The following CRISPLD1 variants were observed in gnomAD, a reference collection of about 807,000 sequenced individuals.
The protein encoded by CRISPLD1 is cysteine rich secretory protein LCCL domain containing 1.
Under a neutral mutation model 77.5 loss-of-function variants are expected in CRISPLD1, and 60 were observed. The ratio of observed to expected loss-of-function variants is 0.77; its 90% CI spans 0.63 to 0.96. The LOEUF (loss-of-function observed/expected upper bound fraction) is 0.96. Among genes scored for constraint, CRISPLD1 ranks in the 40% least tolerant of loss-of-function variants. The pLI, the probability that CRISPLD1 is intolerant of heterozygous loss-of-function variation, is 0.00. For synonymous variants in CRISPLD1, 195 were observed against 200.1 expected, an observed-to-expected ratio of 0.97 and a Z score of 0.22; for missense variants, 623 against 615.8, an observed-to-expected ratio of 1.01 and a Z score of -0.12.
At position 75,010,875 on chromosome 8, in the gene CRISPLD1, A is replaced by T. The variant is rs1172355024; in HGVS notation, c.259-1558A>T. On this transcript the variant is annotated intron_variant, in intron 2 of 14. Coordinates refer to ENST00000262207, the MANE Select transcript of CRISPLD1 (RefSeq NM_031461.6). The stretch of plus-strand genomic sequence containing the variant: ...ACTTCAAGATTCATATCCTCAGAGC[A>T]CATTTTTCCTCTGGACCCCCAGTCA... 2.6e-5 allele frequency among the ~76,000 whole-genome samples: 4 copies of T among 152,112 alleles called. No homozygotes were observed. The East Asian group carries it at 5.8e-4, about 22-fold the overall frequency.
At chr8:74,991,452 G>A (rs1812572192) in intron 2 of CRISPLD1, among the ~76,000 whole-genome samples, 1 of 152,176 alleles carries the variant, frequency 6.6e-6, no homozygotes, top group African/African-American at 2.4e-5. Context: ...AGCTTATAAA[G>A]GGAAGCATGT....
chr8:75,028,178 G>A (rs182944787), intron 13 of CRISPLD1, among the ~76,000 whole-genome samples: 3 of 152,140 alleles, frequency 2.0e-5, no homozygotes, highest in Non-Finnish European at 2.9e-5. Context: ...GACTTTAAGT[G>A]TTGAAGAAAA....
chr8:74,994,771 T>G (rs1368467381), intron 2 of CRISPLD1, among the ~76,000 whole-genome samples: 1 of 152,212 alleles, frequency 6.6e-6, no homozygotes, highest in Non-Finnish European at 1.5e-5. Flanking sequence ...GGGGAATGTC[T>G]TTGGGATTTT....
chr8:74,997,988 A>G (rs1812670855), intron 2 of CRISPLD1, among the ~76,000 whole-genome samples: 1 of 152,202 alleles, frequency 6.6e-6, no homozygotes, highest in African/African-American at 2.4e-5. Flanking sequence ...AAAATGGGAT[A>G]AAGCTAGAGG....
Position 75,029,502 on chromosome 8 carries a change from G to C in CRISPLD1, c.1436G>C (p.Gly479Ala). 1.2e-6 allele frequency: 2 copies of C among 1,613,436 alleles called. No individual in the cohort carries two copies. The highest frequency in any genetic ancestry group is 1.7e-6 in the Non-Finnish European group (2 of 1,179,606). Residue 479 changes from glycine to alanine, a missense_variant, in exon 14 of 15, where the codon GGA (glycine) becomes GCA (alanine). Coordinates refer to ENST00000262207, the MANE Select transcript of CRISPLD1 (RefSeq NM_031461.6). ...ACCTACATTGCTTCTTTTCAGAATG[G>C]AATCTTCTCAGAAAGGTAAAAACAA... Reference protein sequence around the residue: ...RKTYIASFQNGIFSESLQNPP... With the variant: ...RKTYIASFQNAIFSESLQNPP...
At chr8:74,988,009 T>C (rs923709835) in intron 2 of CRISPLD1, among the ~76,000 whole-genome samples, 6 of 152,194 alleles carry the variant, frequency 3.9e-5, no homozygotes, top group Admixed American at 1.3e-4. Flanking sequence ...ATCCTTGAAA[T>C]GTAGATTCAG....
chr8:75,003,990 G>T (rs1219328604), intron 2 of CRISPLD1, among the ~76,000 whole-genome samples: 9 of 152,128 alleles, frequency 5.9e-5, no homozygotes, highest in African/African-American at 1.4e-4. Flanking sequence ...TGCATATTAA[G>T]TTTTCATTAC....
At chr8:75,016,520 A>G (rs1488368048) in intron 6 of CRISPLD1, 45 bp from the exon 7 acceptor site, 4 of 1,538,164 alleles carry the variant, frequency 2.6e-6, no homozygotes, top group East Asian at 2.3e-5. Context: ...ATTCATGCAC[A>G]TGTAAAATAG....
chr8:75,033,037 G>C lies in CRISPLD1; in HGVS notation c.*795G>C, dbSNP rs988236882. 1 of 152,082 alleles carries C rather than the reference G, an allele frequency of 6.6e-6. No homozygotes were observed. The highest frequency in any genetic ancestry group is 2.4e-5 in the African/African-American group (1 of 41,356). The allele number at this position is 152,082 out of a possible 1,614,324, so 9.4% of individuals were successfully genotyped here. A position where few individuals can be genotyped will look rare whatever the true frequency, so the allele number is the denominator to read the frequency against. On this transcript the variant is annotated 3_prime_UTR_variant, in exon 15 of 15. Coordinates refer to ENST00000262207, the MANE Select transcript of CRISPLD1 (RefSeq NM_031461.6). ...CTCCTGCAGGCCAGGAAGTATAATA[G>C]CAAAAAGTTGAACAAAGATGAACTA...
intron 2 of CRISPLD1, among the ~76,000 whole-genome samples, chr8:74,989,541 G>A (rs200167677): frequency 1.4e-5 from 2 of 147,474 alleles, no homozygotes; most frequent in Non-Finnish European, 3.0e-5. Flanking sequence ...CCATTTTTAT[G>A]TTTTTTTTTT....
chr8:75,020,040 A>G lies in CRISPLD1; in HGVS notation c.1205A>G (p.Gln402Arg). The G allele has an allele frequency of 6.2e-7, 1 of 1,614,166 alleles. No individual in the cohort carries two copies. Among genetic ancestry groups the G allele is most frequent in the Non-Finnish European group, 8.5e-7 (1 of 1,180,000 alleles). ...GTGACTTGTGAAACAACTGTGGAAC[A>G]GCTCTGTCCATTTCATAAGCCTGCT... The part of the protein sequence containing the change: ...QAVTCETTVE[Q>R]LCPFHKPASH... Residue 402 changes from glutamine (Q) to arginine (R), a missense_variant, in exon 12 of 15, where the codon CAG (glutamine) becomes CGG (arginine). Transcript: ENST00000262207.
intron 13 of CRISPLD1, among the ~76,000 whole-genome samples, chr8:75,028,861 T>C (rs188032551): frequency 3.3e-4 from 50 of 152,030 alleles, no homozygotes; most frequent in African/African-American, 1.2e-3. Flanking sequence ...GATTATATTA[T>C]TTACTAAGAA....
chr8:75,023,885 T>C (rs1431947402), intron 12 of CRISPLD1, among the ~76,000 whole-genome samples: 1 of 152,148 alleles, frequency 6.6e-6, no homozygotes, highest in Non-Finnish European at 1.5e-5. Flanking sequence ...GTAGATTTTT[T>C]AAAATATCAT....
chr8:75,033,214 G>C lies in CRISPLD1; in HGVS notation c.*972G>C, dbSNP rs890766405. ...GATACTAAAAATCTGTAAAATGTTA[G>C]TTTTGGTAATTTTTTTTCTGCTGGT... On this transcript the variant is annotated 3_prime_UTR_variant, in exon 15 of 15. Transcript: ENST00000262207. 1 of 152,250 alleles carries C rather than the reference G, an allele frequency of 6.6e-6. No individual in the cohort carries two copies. The highest frequency in any genetic ancestry group is 2.4e-5 in the African/African-American group (1 of 41,446). The allele number at this position is 152,250 out of a possible 1,614,324, so 9.4% of individuals were successfully genotyped here.
At chr8:75,029,799 T>A (rs1184231007) in intron 14 of CRISPLD1, among the ~76,000 whole-genome samples, 2 of 152,212 alleles carry the variant, frequency 1.3e-5, no homozygotes, top group African/African-American at 2.4e-5. Context: ...ATTAGGAACT[T>A]TCTTTCATCC....
Position 75,016,571 on chromosome 8 carries a change from C to T in CRISPLD1, c.734C>T (p.Ser245Leu). 2 of 1,610,270 alleles carry T rather than the reference C, an allele frequency of 1.2e-6. No individual in the cohort carries two copies. Among genetic ancestry groups the T allele is most frequent in the Non-Finnish European group, 1.7e-6 (2 of 1,177,966 alleles). The change falls in exon 7 of 15, where the codon TCA becomes TTA. Residue 245 changes from serine (S) to leucine (L), a missense_variant. Physicochemically the swap from Ser to Leu is moderately radical, Grantham distance 145. Coordinates refer to ENST00000262207, the MANE Select transcript of CRISPLD1 (RefSeq NM_031461.6). ...CRENLCYKEG[S>L]DRYYPPREEE... ...AATCTGCTTTCTCTAACAGAAGGGT[C>T]AGACAGGTATTATCCCCCTCGAGAA... is the stretch of plus-strand genomic sequence containing the variant.
chr8:75,020,037 A>G lies in CRISPLD1; in HGVS notation c.1202A>G (p.Glu401Gly). Residue 401 changes from glutamate to glycine, a missense_variant, in exon 12 of 15, where the codon GAA becomes GGA. Glu to Gly is a moderately conservative substitution (Grantham distance 98). Transcript: ENST00000262207. ...VQAVTCETTV[E>G]QLCPFHKPAS... ...GCTGTGACTTGTGAAACAACTGTGG[A>G]ACAGCTCTGTCCATTTCATAAGCCT... The G allele has an allele frequency of 1.2e-6, 2 of 1,614,154 alleles. No individual in the cohort carries two copies. Among genetic ancestry groups the G allele is most frequent in the Non-Finnish European group, 1.7e-6 (2 of 1,180,014 alleles).
At chr8:74,991,985 T>G (rs548013153) in intron 2 of CRISPLD1, among the ~76,000 whole-genome samples, 2 of 152,342 alleles carry the variant, frequency 1.3e-5, no homozygotes, top group South Asian at 4.1e-4. Flanking sequence ...TTTGTTTTCC[T>G]TTCTAAGACT....
At chr8:75,021,868 A>G (rs890675678) in intron 12 of CRISPLD1, among the ~76,000 whole-genome samples, 5 of 152,298 alleles carry the variant, frequency 3.3e-5, no homozygotes, top group Admixed American at 2.0e-4. Context: ...TTAAATACCT[A>G]CTAAGTACGA....
Sources: gnomAD v4.1 joint callset for allele counts (sites outside exome capture counted in the v4.1 genomes callset) on GRCh38, gnomAD v4.1.1 for gene constraint, MANE v1.5 for transcripts, NCBI Gene and HGNC (gene_info 2026-07-23, HGNC 2026-07-21) for gene names.